PLCL1: variants seen among roughly 807,000 people sequenced by gnomAD.
PLCL1 encodes the protein phospholipase C like 1 (inactive).
PLCL1 carries 41 observed loss-of-function variants against 84.4 expected under a neutral mutation model. The ratio of observed to expected loss-of-function variants is 0.49; its 90% CI spans 0.38 to 0.63. The LOEUF (loss-of-function observed/expected upper bound fraction) is 0.63. Ranked by LOEUF, PLCL1 falls within the 30% of genes least tolerant of loss-of-function variation. The probability of loss-of-function intolerance (pLI) is 0.00; values close to 1 mark genes in which losing one functional copy is unlikely to be tolerated. For synonymous variants in PLCL1, 490 were observed against 488.3 expected, an observed-to-expected ratio of 1.00 and a Z score of -0.05; for missense variants, 1,206 against 1,367.8, an observed-to-expected ratio of 0.88 and a Z score of 1.87.
chr2:197,943,627 C>CTTTTTTTTTTTTTTTTTTTTTTTTT (rs5837573), intron 1 of PLCL1, among the ~76,000 whole-genome samples: 2 of 119,208 alleles, frequency 1.7e-5, no homozygotes, highest in Non-Finnish European at 3.4e-5. Flanking sequence ...TTGGTTACAT[C>CTTTTTTTTTTTTTTTTTTTTTTTTT]TTTTTTTTTT....
chr2:198,070,073 C>T (rs1403519383), intron 1 of PLCL1, among the ~76,000 whole-genome samples: 1 of 152,078 alleles, frequency 6.6e-6, no homozygotes, highest in East Asian at 1.9e-4. Flanking sequence ...GCCAAGTTCA[C>T]CTGATGGAGA....
Position 198,085,829 on chromosome 2 carries a change from A to G in PLCL1, c.2312A>G (p.Gln771Arg). The stretch of plus-strand genomic sequence containing the variant: ...GAACAAAGAACTAAAACTGTACAGC[A>G]AAACAGTGATAATCCTATTTTTGAT... The part of the protein sequence containing the change: ...CSEQRTKTVQ[Q>R]NSDNPIFDET... The change falls in exon 2 of 6, where the codon CAA becomes CGA. Residue 771 changes from glutamine to arginine, a missense_variant. Gln to Arg is a conservative substitution (Grantham distance 43, BLOSUM62 1). Coordinates refer to ENST00000428675, the MANE Select transcript of PLCL1 (RefSeq NM_006226.4). The surrounding 1 kb of genome is among the most constrained non-coding windows in gnomAD (Gnocchi z 5.3). The G allele has an allele frequency of 3.1e-6, 5 of 1,614,222 alleles. No homozygotes were observed. Among genetic ancestry groups the G allele is most frequent in the Non-Finnish European group, 3.4e-6 (4 of 1,180,016 alleles).
In PLCL1 at chr2:197,805,914, C is replaced by A. The variant is rs1289839303; in HGVS notation, c.240+575C>A. On this transcript the variant is annotated intron_variant, in intron 1 of 5. Transcript: ENST00000428675. The surrounding 1 kb of genome is among the most constrained non-coding windows in gnomAD (Gnocchi z 4.0). The stretch of plus-strand genomic sequence containing the variant: ...GCAGAAAGCACAACCGGAAAGCAAT[C>A]AATCCCCCAAGCATTATCACTGGTC... 6.6e-6 allele frequency among the ~76,000 whole-genome samples: 1 copy of A among 152,234 alleles called. No homozygotes were observed. Among genetic ancestry groups the A allele is most frequent in the African/African-American group, 2.4e-5 (1 of 41,464 alleles).
intron 1 of PLCL1, among the ~76,000 whole-genome samples, chr2:197,857,033 G>C (rs147596886): frequency 6.6e-6 from 1 of 152,050 alleles, no homozygotes; most frequent in Non-Finnish European, 1.5e-5. Flanking sequence ...TGGATGCTGG[G>C]CTTAATACCT....
Position 197,837,184 on chromosome 2 carries a change from G to A in PLCL1, c.240+31845G>A, listed in dbSNP as rs1034112076. 5.9e-5 allele frequency among the ~76,000 whole-genome samples: 9 copies of A among 152,264 alleles called. No individual in the cohort carries two copies. In the East Asian group the frequency reaches 1.7e-3, roughly 29 times the overall value. On this transcript the variant is annotated intron_variant, in intron 1 of 5. Transcript: ENST00000428675. ...ATGGGGTTTGTGAGACTAATGACGA[G>A]TTAGGCTTTGAGGTGAAGATGGGAT... is the stretch of plus-strand genomic sequence containing the variant.
At position 197,963,949 on chromosome 2, in the gene PLCL1, G is replaced by A. The variant is rs111446190; in HGVS notation, c.241-119809G>A. ...TCTCTATTCTGTTCCATTAGTCTATGTATCTGTTTTTAAAACCAGAGTACC... is the reference window on the plus strand; with the variant it reads ...TCTCTATTCTGTTCCATTAGTCTATATATCTGTTTTTAAAACCAGAGTACC... On this transcript the variant is annotated intron_variant, in intron 1 of 5. Transcript: ENST00000428675. Among the ~76,000 whole-genome samples, 1,443 of 152,044 alleles carry A rather than the reference G, an allele frequency of 9.5e-3. 27 individuals carry two copies. Among genetic ancestry groups the A allele is most frequent in the African/African-American group, 0.033 (1,372 of 41,508 alleles).
chr2:197,919,722 T>G (rs1332139596), intron 1 of PLCL1, among the ~76,000 whole-genome samples: 2 of 152,210 alleles, frequency 1.3e-5, no homozygotes, highest in Non-Finnish European at 2.9e-5. Flanking sequence ...CTACATTTCC[T>G]TTTCCTGCCT....
intron 1 of PLCL1, among the ~76,000 whole-genome samples, chr2:197,921,217 AGGTT>A (rs969192257): frequency 6.6e-6 from 1 of 152,210 alleles, no homozygotes; most frequent in Non-Finnish European, 1.5e-5. Context: ...GTCATATATG[AGGTT>A]GGTTGTTGAA....
rs1399425101 is a variant in PLCL1, at chr2:198,016,183, G to A, written c.241-67575G>A. Among the ~76,000 whole-genome samples, 16 of 152,274 alleles carry A rather than the reference G, an allele frequency of 1.1e-4. 1 individual carries two copies. In the South Asian group the frequency reaches 3.3e-3, roughly 32 times the overall value. On this transcript the variant is annotated intron_variant, in intron 1 of 5. Coordinates refer to ENST00000428675, the MANE Select transcript of PLCL1 (RefSeq NM_006226.4). Reference sequence around the variant, plus strand: ...TCTAGTCAGTAGTAACACATTTGAAGTTCTGGCTGATCCACAGAGTCTTTT... The same window carrying A: ...TCTAGTCAGTAGTAACACATTTGAAATTCTGGCTGATCCACAGAGTCTTTT...
intron 5 of PLCL1, among the ~76,000 whole-genome samples, chr2:198,109,822 C>T (rs1025935187): frequency 1.3e-5 from 2 of 151,690 alleles, no homozygotes; most frequent in Non-Finnish European, 2.9e-5. Context: ...CTAACTTGTC[C>T]TGTTGGCTAT....
At chr2:198,135,480 A>G (rs547340997) in intron 5 of PLCL1, among the ~76,000 whole-genome samples, 1 of 152,328 alleles carries the variant, frequency 6.6e-6, no homozygotes, top group South Asian at 2.1e-4. Flanking sequence ...CTATTATTTT[A>G]TTGAATGGTT....
intron 1 of PLCL1, among the ~76,000 whole-genome samples, chr2:198,043,548 TG>T (rs1691717256): frequency 6.6e-6 from 1 of 152,206 alleles, no homozygotes; most frequent in African/African-American, 2.4e-5. Context: ...CGTAATTTTG[TG>T]TCTTTCTCAG....
chr2:197,943,170 CTGAG>C (rs1221976853), intron 1 of PLCL1, among the ~76,000 whole-genome samples: 1 of 134,522 alleles, frequency 7.4e-6, no homozygotes, highest in Non-Finnish European at 1.5e-5. Context: ...GCGCTCTAGT[CTGAG>C]TGACAGAGTG....
intron 1 of PLCL1, among the ~76,000 whole-genome samples, chr2:197,817,166 C>G (rs1690706828): frequency 6.6e-6 from 1 of 152,094 alleles, no homozygotes; most frequent in South Asian, 2.1e-4. Flanking sequence ...TTGGCTCTCT[C>G]TCTAGTATTA....
chr2:198,130,231 T>C (rs1298116108), intron 5 of PLCL1, among the ~76,000 whole-genome samples: 1 of 152,150 alleles, frequency 6.6e-6, no homozygotes, highest in Non-Finnish European at 1.5e-5. Flanking sequence ...GCAACACTGC[T>C]TCTCTTGATT....
intron 5 of PLCL1, among the ~76,000 whole-genome samples, chr2:198,141,614 C>G (rs975566326): frequency 6.6e-6 from 1 of 152,052 alleles, no homozygotes. Context: ...TGATAGAGTC[C>G]CAACGGATGG....
At chr2:197,949,675 G>A (rs1689351135) in intron 1 of PLCL1, among the ~76,000 whole-genome samples, 1 of 152,076 alleles carries the variant, frequency 6.6e-6, no homozygotes, top group Admixed American at 6.5e-5. Flanking sequence ...GAGGGAAAGG[G>A]GAGGAGAGAG....
chr2:197,817,178 A>G (rs1359400185), intron 1 of PLCL1, among the ~76,000 whole-genome samples: 1 of 152,174 alleles, frequency 6.6e-6, no homozygotes, highest in Non-Finnish European at 1.5e-5. Context: ...CTAGTATTAC[A>G]GCACTTATGC....
At chr2:197,909,980 CT>C (rs1688453170) in intron 1 of PLCL1, among the ~76,000 whole-genome samples, 1 of 152,126 alleles carries the variant, frequency 6.6e-6, no homozygotes, top group Non-Finnish European at 1.5e-5. Context: ...GTGAGGCAGA[CT>C]TTGTTTGAAT....
Sources: gnomAD v4.1 joint callset for allele counts (sites outside exome capture counted in the v4.1 genomes callset) on GRCh38, gnomAD v4.1.1 for gene constraint, Gnocchi (gnomAD v3.1) non-coding constraint, MANE v1.5 for transcripts, NCBI Gene and HGNC (gene_info 2026-07-23, HGNC 2026-07-21) for gene names.